The following GIMAP1 variants were observed in gnomAD, a reference collection of about 807,000 sequenced individuals.
The protein encoded by GIMAP1 is GTPase, IMAP family member 1.
For missense variants in GIMAP1, 423 were observed against 411.9 expected (o/e 1.03, Z -0.23); for synonymous variants, 230 against 187.7 (o/e 1.23, Z -1.84).
rs768534721 is a variant in GIMAP1, at chr7:150,720,637, G to A, written c.633G>A (p.Leu211=). 1.9e-6 allele frequency: 3 copies of A among 1,612,146 alleles called. No homozygotes were observed. Among genetic ancestry groups the A allele is most frequent in the Admixed American group, 1.7e-5 (1 of 59,750 alleles). Reference sequence around the variant, plus strand: ...AGCTGCTGGGGATGGTCGAGGGCTTGGTGCTGGAGCACAAGGGCGCCCATT... The same window carrying A: ...AGCTGCTGGGGATGGTCGAGGGCTTAGTGCTGGAGCACAAGGGCGCCCATT... ...VEQLLGMVEG[L]VLEHKGAHYS... is the part of the protein sequence containing the mutation. The change falls in exon 3 of 3, where the codon TTG becomes TTA. Residue 211 remains leucine (L), a synonymous_variant. Coordinates refer to ENST00000307194, the MANE Select transcript of GIMAP1 (RefSeq NM_130759.4). The surrounding 1 kb of genome is among the most constrained non-coding windows in gnomAD (Gnocchi z 4.5).
intron 1 of GIMAP1, among the ~76,000 whole-genome samples, chr7:150,717,937 C>T (rs1261650239): frequency 6.6e-6 from 1 of 152,104 alleles, no homozygotes; most frequent in East Asian, 1.9e-4. Flanking sequence ...ACTCAGCCAG[C>T]CTCTCTCTCT....
chr7:150,720,770 T>G lies in GIMAP1; in HGVS notation c.766T>G (p.Trp256Gly). The stretch of plus-strand genomic sequence containing the variant: ...GGCAGCCAGGGTGCAGAGGAGGCCA[T>G]GGGGCGCCTGGCTGTCGGCCCGGCT... ...RVAARVQRRP[W>G]GAWLSARLWK... Residue 256 changes from tryptophan to glycine, a missense_variant, in exon 3 of 3, where the codon TGG becomes GGG. Trp to Gly is a radical substitution (Grantham distance 184). Coordinates refer to ENST00000307194, the MANE Select transcript of GIMAP1 (RefSeq NM_130759.4). This position sits in a 1 kb window ranked among gnomAD's most constrained non-coding sequence, Gnocchi z 4.5. 6.4e-7 allele frequency: 1 copy of G among 1,572,560 alleles called. No individual in the cohort carries two copies. The highest frequency in any genetic ancestry group is 2.4e-5 in the East Asian group (1 of 42,416).
In GIMAP1 at chr7:150,721,993, A is replaced by G. The variant is rs1279040649; in HGVS notation, c.*1068A>G. 3.9e-5 allele frequency: 6 copies of G among 152,308 alleles called. No individual in the cohort carries two copies. Among genetic ancestry groups the G allele is most frequent in the Admixed American group, 3.9e-4 (6 of 15,298 alleles). The allele number at this position is 152,308 out of a possible 1,614,324, so 9.4% of individuals were successfully genotyped here. ...AGGTGCATAGGCTGAGACTGCAGAC[A>G]CCTGAGCATCCTATGCTGTGAGGCG... is the stretch of plus-strand genomic sequence containing the variant. On this transcript the variant is annotated 3_prime_UTR_variant, in exon 3 of 3. Transcript: ENST00000307194.
At position 150,722,802 on chromosome 7, in the gene GIMAP1, A is replaced by G. The variant is rs1388013338; in HGVS notation, c.*1877A>G. ...CAAATTTAGGGGTGGATTATGCCAA[A>G]ATTTCTAGAAAAAAGGTCGTAACTT... On this transcript the variant is annotated 3_prime_UTR_variant, in exon 3 of 3. Transcript: ENST00000307194. The G allele has an allele frequency of 6.6e-6, 1 of 152,216 alleles. No homozygotes were observed. Among genetic ancestry groups the G allele is most frequent in the Non-Finnish European group, 1.5e-5 (1 of 68,046 alleles). 9.4% of individuals were successfully genotyped at this position (152,216 alleles called of 1,614,324 possible). A position where few individuals can be genotyped will look rare whatever the true frequency, so the allele number is the denominator to read the frequency against.
intron 1 of GIMAP1, among the ~76,000 whole-genome samples, 156 bp from the exon 2 acceptor site, chr7:150,718,886 T>C (rs1386351857): frequency 6.6e-6 from 1 of 152,212 alleles, no homozygotes; most frequent in Non-Finnish European, 1.5e-5. Flanking sequence ...CCTAGATTTT[T>C]AGATCCTTGC....
chr7:150,718,976 TTTGTGGTTATGCC>T, intron 1 of GIMAP1, 53 bp from the exon 2 acceptor site: 1 of 487,490 alleles, frequency 2.1e-6, no homozygotes, highest in Non-Finnish European at 2.6e-6. Context: ...GTTATGCCTA[TTTGTGGTTATGCC>T]TATTTGAGGA....
In GIMAP1 at chr7:150,720,853, G is replaced by C. The variant is rs1239930351; in HGVS notation, c.849G>C (p.Gly283=). ...SWRLGLALLL[G]GALLFWVLLH... is the part of the protein sequence containing the mutation. The stretch of plus-strand genomic sequence containing the variant: ...GGCTGGGCCTGGCCCTGCTGCTGGG[G>C]GGCGCGCTCCTGTTCTGGGTGCTGC... The change falls in exon 3 of 3, where the codon GGG becomes GGC. Residue 283 remains glycine, a synonymous_variant. Transcript: ENST00000307194. The surrounding 1 kb of genome is among the most constrained non-coding windows in gnomAD (Gnocchi z 4.5). The C allele has an allele frequency of 1.2e-6, 2 of 1,606,142 alleles. No homozygotes were observed.
intron 1 of GIMAP1, among the ~76,000 whole-genome samples, chr7:150,716,907 G>T (rs6948390): frequency 2.0e-5 from 3 of 152,096 alleles, no homozygotes; most frequent in Admixed American, 1.3e-4. Flanking sequence ...GAGCACACAC[G>T]TTCTTGGTGG....
Position 150,720,900 on chromosome 7 carries a change from C to T in GIMAP1, c.896C>T (p.Ala299Val). 1 of 1,584,400 alleles carries T rather than the reference C, an allele frequency of 6.3e-7. No individual in the cohort carries two copies. ...CTGCTCCACAGGCGGTGGTCGGAGGCCGTTGCGGAGGTCGGGCCTGACTGA... is the reference window on the plus strand; with the variant it reads ...CTGCTCCACAGGCGGTGGTCGGAGGTCGTTGCGGAGGTCGGGCCTGACTGA... Reference protein sequence around the residue: ...WVLLHRRWSEAVAEVGPD With the variant: ...WVLLHRRWSEVVAEVGPD The change falls in exon 3 of 3, where the codon GCC (alanine) becomes GTC (valine). Residue 299 changes from alanine to valine, a missense_variant. By Grantham distance (64) the Ala-to-Val change is moderately conservative (BLOSUM62 0). Transcript: ENST00000307194. This position sits in a 1 kb window ranked among gnomAD's most constrained non-coding sequence, Gnocchi z 4.5.
chr7:150,719,289 T>A (rs1274753566), intron 2 of GIMAP1, 199 bp downstream of exon 2: 1 of 617,080 alleles, frequency 1.6e-6, no homozygotes, highest in African/African-American at 1.8e-5. Flanking sequence ...ACTAGCCTGC[T>A]CCCTTGGTTC....
rs901748561 is a variant in GIMAP1, at chr7:150,723,605, C to T, written c.*2680C>T. 2.0e-5 allele frequency: 3 copies of T among 152,092 alleles called. No individual in the cohort carries two copies. The highest frequency in any genetic ancestry group is 4.4e-5 in the Non-Finnish European group (3 of 68,040). 9.4% of individuals were successfully genotyped at this position (152,092 alleles called of 1,614,324 possible). A position where few individuals can be genotyped will look rare whatever the true frequency, so the allele number is the denominator to read the frequency against. ...CTGTGGCTTAAAGGTTGCTTTTTCC[C>T]CCATAGCTCAAGGTTAGGCCTTGTG... On this transcript the variant is annotated 3_prime_UTR_variant, in exon 3 of 3. Transcript: ENST00000307194.
rs1352981312 is a variant in GIMAP1 at position 150,722,214 on chromosome 7, T to A, written c.*1289T>A. On this transcript the variant is annotated 3_prime_UTR_variant, in exon 3 of 3. Transcript: ENST00000307194. ...AGCCTCTAGTGAGGTCATGGAGACA[T>A]GGGAAGCAGGTATTCACATTAGCTC... 3 of 152,256 alleles carry A rather than the reference T, an allele frequency of 2.0e-5. No individual in the cohort carries two copies. Among genetic ancestry groups the A allele is most frequent in the African/African-American group, 7.2e-5 (3 of 41,440 alleles). The allele number at this position is 152,256 out of a possible 1,614,324, so 9.4% of individuals were successfully genotyped here. A position where few individuals can be genotyped will look rare whatever the true frequency, so the allele number is the denominator to read the frequency against.
At chr7:150,719,129 G>A (rs371233800) in intron 2 of GIMAP1, 39 bp downstream of exon 2, 3 of 1,613,398 alleles carry the variant, frequency 1.9e-6, no homozygotes, top group African/African-American at 2.7e-5. Context: ...TGCCCCCCTA[G>A]GCTTGAACTT....
chr7:150,720,584 G>A lies in GIMAP1; in HGVS notation c.580G>A (p.Gly194Ser), dbSNP rs1463145921. 2.5e-6 allele frequency: 4 copies of A among 1,613,810 alleles called. No individual in the cohort carries two copies. Among genetic ancestry groups the A allele is most frequent in the East Asian group, 4.5e-5 (2 of 44,872 alleles). Residue 194 changes from glycine to serine, a missense_variant, in exon 3 of 3, where the codon GGC becomes AGC. Gly to Ser is a moderately conservative substitution (Grantham distance 56). Transcript: ENST00000307194. This position sits in a 1 kb window ranked among gnomAD's most constrained non-coding sequence, Gnocchi z 4.5. ...RVCAFDNRAT[G>S]REQEAQVEQL... ...CTGTGCCTTTGATAACCGGGCCACC[G>A]GCCGGGAGCAGGAAGCCCAGGTGGA... is the stretch of plus-strand genomic sequence containing the variant.
At chr7:150,718,743 G>A (rs1797251548) in intron 1 of GIMAP1, among the ~76,000 whole-genome samples, 1 of 152,202 alleles carries the variant, frequency 6.6e-6, no homozygotes, top group African/African-American at 2.4e-5. Flanking sequence ...AGGGCAGGGT[G>A]TTGGCCCTTC....
At position 150,723,461 on chromosome 7, in the gene GIMAP1, T is replaced by C. The variant is rs145201304; in HGVS notation, c.*2536T>C. On this transcript the variant is annotated 3_prime_UTR_variant, in exon 3 of 3. Transcript: ENST00000307194. ...CCTGCCCTAAGGAAATTTACTTCCC[T>C]TCAAGCACAGGGTCCCCCAAATTAC... is the stretch of plus-strand genomic sequence containing the variant. 1.3e-5 allele frequency: 2 copies of C among 152,354 alleles called. No individual in the cohort carries two copies. The highest frequency in any genetic ancestry group is 4.8e-5 in the African/African-American group (2 of 41,592). The allele number at this position is 152,354 out of a possible 1,614,324, so 9.4% of individuals were successfully genotyped here.
In GIMAP1 at chr7:150,720,014, A is replaced by C; in HGVS notation, c.44-34A>C. 2 of 1,516,790 alleles carry C rather than the reference A, an allele frequency of 1.3e-6. No homozygotes were observed. The highest frequency in any genetic ancestry group is 1.8e-6 in the Non-Finnish European group (2 of 1,132,088). The allele number at this position is 1,516,790 out of a possible 1,614,324, so 94.0% of individuals were successfully genotyped here. A position where few individuals can be genotyped will look rare whatever the true frequency, so the allele number is the denominator to read the frequency against. On this transcript the variant is annotated intron_variant, in intron 2 of 2. Transcript: ENST00000307194. This position sits in a 1 kb window ranked among gnomAD's most constrained non-coding sequence, Gnocchi z 4.5. ...CCAGTTCCCAAGGGGAAGTTGGTTA[A>C]ACTTAAGTAAGATTATAACACTTGG... is the stretch of plus-strand genomic sequence containing the variant.
intron 2 of GIMAP1, chr7:150,719,607 T>C (rs73163557): frequency 0.21 from 35,640 of 166,728 alleles, 3,988 homozygotes; most frequent in East Asian, 0.29. Context: ...ACTTAGATTA[T>C]GCAGCTTCCC....
At chr7:150,718,074 T>C (rs1585219680) in intron 1 of GIMAP1, among the ~76,000 whole-genome samples, 2 of 152,078 alleles carry the variant, frequency 1.3e-5, no homozygotes, top group African/African-American at 2.4e-5. Flanking sequence ...TCAATAGTCC[T>C]AGGAGGGGAA....
Sources: allele counts gnomAD v4.1 joint callset (sites outside exome capture counted in the v4.1 genomes callset), GRCh38; gene constraint gnomAD v4.1.1; non-coding constraint Gnocchi (gnomAD v3.1); transcripts MANE v1.5; gene names NCBI Gene and HGNC (gene_info 2026-07-23, HGNC 2026-07-21).